The following EYS variants were observed in gnomAD, a reference collection of about 807,000 sequenced individuals.
EYS encodes the protein EGF-like photoreceptor maintenance factor.
A neutral mutation model predicts 282.1 loss-of-function variants in EYS; 250 were observed. That is an observed-to-expected ratio of 0.89 (90% CI 0.80 to 0.98). EYS has a LOEUF of 0.98. Ranked by LOEUF, EYS falls within the 50% of genes least tolerant of loss-of-function variation. EYS has a pLI of 0.00. For missense variants in EYS, 4,016 were observed against 3,709.0 expected, an observed-to-expected ratio of 1.08 and a Z score of -2.15; for synonymous variants, 1,355 against 1,282.9, an observed-to-expected ratio of 1.06 and a Z score of -1.20.
chr6:65,096,541 A>G (rs766513524), intron 12 of EYS, among the ~76,000 whole-genome samples: 3 of 150,970 alleles, frequency 2.0e-5, no homozygotes, highest in East Asian at 1.9e-4. Context: ...AGATGAAACA[A>G]TGTTGAAAAA....
chr6:65,168,258 G>C (rs77878255), intron 12 of EYS, among the ~76,000 whole-genome samples: 14 of 151,236 alleles, frequency 9.3e-5, no homozygotes, highest in Non-Finnish European at 5.9e-5. Flanking sequence ...TTCAGTAGCA[G>C]TCCAGTACCA....
chr6:65,686,906 A>G (rs986870206), intron 1 of EYS, among the ~76,000 whole-genome samples: 3 of 152,080 alleles, frequency 2.0e-5, no homozygotes, highest in Non-Finnish European at 4.4e-5. Flanking sequence ...ACAACATGAA[A>G]AATTGAAAGG....
chr6:65,103,889 T>A (rs894394485), intron 12 of EYS, among the ~76,000 whole-genome samples: 1 of 151,460 alleles, frequency 6.6e-6, no homozygotes, highest in Non-Finnish European at 1.5e-5. Context: ...AACATAGAAA[T>A]GCAGTCAGGT....
chr6:64,332,040 G>A (rs1248038345), intron 29 of EYS, among the ~76,000 whole-genome samples: 4 of 152,150 alleles, frequency 2.6e-5, no homozygotes, highest in East Asian at 3.9e-4. Flanking sequence ...AACAGCTAAC[G>A]CAGATGTTAA....
chr6:65,160,814 C>T (rs1366855720), intron 12 of EYS, among the ~76,000 whole-genome samples: 1 of 150,718 alleles, frequency 6.6e-6, no homozygotes, highest in Admixed American at 6.6e-5. Context: ...ACGAGAAATT[C>T]AAACCAAATG....
At chr6:64,133,312 T>C (rs937282519) in intron 31 of EYS, among the ~76,000 whole-genome samples, 8 of 152,048 alleles carry the variant, frequency 5.3e-5, no homozygotes, top group Non-Finnish European at 7.4e-5. Context: ...TGAAGAAAGG[T>C]AGACGTTCCC....
At chr6:65,127,079 C>T (rs1414238727) in intron 12 of EYS, among the ~76,000 whole-genome samples, 1 of 152,064 alleles carries the variant, frequency 6.6e-6, no homozygotes, top group Non-Finnish European at 1.5e-5. Flanking sequence ...TTTCAAAATT[C>T]TTCTTTATAT....
intron 41 of EYS, among the ~76,000 whole-genome samples, chr6:63,746,136 G>A (rs528256913): frequency 1.3e-5 from 2 of 152,304 alleles, no homozygotes; most frequent in Admixed American, 1.3e-4. Context: ...TAGCATGAAG[G>A]AGTGTTGAAT....
At chr6:65,184,284 C>A (rs1765463424) in intron 12 of EYS, among the ~76,000 whole-genome samples, 1 of 151,828 alleles carries the variant, frequency 6.6e-6, no homozygotes, top group South Asian at 2.1e-4. Flanking sequence ...AGCCTTCTTG[C>A]TATGCCATAA....
chr6:64,810,173 C>T (rs540278365), intron 22 of EYS, among the ~76,000 whole-genome samples: 6 of 151,868 alleles, frequency 4.0e-5, no homozygotes, highest in South Asian at 2.1e-4. Context: ...ATAACAGAAA[C>T]GTATGACACC....
chr6:64,654,528 C>T (rs998307105), intron 22 of EYS, among the ~76,000 whole-genome samples: 46 of 152,076 alleles, frequency 3.0e-4, no homozygotes, highest in African/African-American at 9.9e-4. Context: ...TGAAGTTTTC[C>T]GATTTGGCAG....
intron 14 of EYS, among the ~76,000 whole-genome samples, chr6:64,987,404 C>A (rs1323572589): frequency 6.6e-6 from 1 of 151,580 alleles, no homozygotes; most frequent in South Asian, 2.1e-4. Flanking sequence ...CTCAACCTCA[C>A]CTTCTATTCA....
intron 26 of EYS, among the ~76,000 whole-genome samples, chr6:64,507,107 A>C (rs539748549): frequency 1.3e-5 from 2 of 152,014 alleles, no homozygotes; most frequent in South Asian, 4.1e-4. Flanking sequence ...CATGGTACTG[A>C]CAACCATCAT....
intron 19 of EYS, among the ~76,000 whole-genome samples, chr6:64,880,113 G>A (rs1766868445): frequency 6.6e-6 from 1 of 151,920 alleles, no homozygotes; most frequent in Admixed American, 6.6e-5. Flanking sequence ...GTTAAGCATA[G>A]TCATTGCTAA....
rs182990585 is a variant in EYS at position 64,587,420 on chromosome 6, T to C, written c.5644+2803A>G. Among the ~76,000 whole-genome samples, 33 of 152,210 alleles carry C rather than the reference T, an allele frequency of 2.2e-4. No homozygotes were observed. In the East Asian group the frequency reaches 4.5e-3, roughly 21 times the overall value. On this transcript the variant is annotated intron_variant, in intron 26 of 42. Transcript: ENST00000503581. ...CCATTATGTGTAAGAAACAGGTATATATAATGGTTCAATCTTTCAAGATTT... is the reference window on the plus strand; with the variant it reads ...CCATTATGTGTAAGAAACAGGTATACATAATGGTTCAATCTTTCAAGATTT...
In EYS at chr6:64,390,537, A is replaced by G. The variant is rs1244124861; in HGVS notation, c.5928-1697T>C. 2.6e-5 allele frequency among the ~76,000 whole-genome samples: 4 copies of G among 151,104 alleles called. No individual in the cohort carries two copies. The East Asian group carries it at 5.9e-4, about 22-fold the overall frequency. ...ACACTGACACCTCACAGGGCAGGGT[A>G]TTCCAACAGACCTGCAGCTGAGGGT... On this transcript the variant is annotated intron_variant, in intron 28 of 42. Coordinates refer to ENST00000503581, the MANE Select transcript of EYS (RefSeq NM_001142800.2).
intron 1 of EYS, among the ~76,000 whole-genome samples, chr6:65,670,468 CTG>C (rs1341832912): frequency 6.6e-6 from 1 of 152,030 alleles, no homozygotes; most frequent in African/African-American, 2.4e-5. Context: ...ATATTAAACT[CTG>C]TGTGTGCTAC....
In EYS at chr6:65,353,484, T is replaced by C; in HGVS notation, c.1433A>G (p.Glu478Gly). The change falls in exon 9 of 43, where the codon GAA becomes GGA. Residue 478 changes from glutamate to glycine, a missense_variant. Physicochemically the swap from Glu to Gly is moderately conservative, Grantham distance 98. Coordinates refer to ENST00000503581, the MANE Select transcript of EYS (RefSeq NM_001142800.2). ...ICQDKGPAQF[E>G]YVWQLGFAGS... ...TGCAAATCCCAATTGCCACACATAT[T>C]CAAATTGAGCAGGACCTTTATCTTG... 6.2e-7 allele frequency: 1 copy of C among 1,613,208 alleles called. No homozygotes were observed. Among genetic ancestry groups the C allele is most frequent in the Non-Finnish European group, 8.5e-7 (1 of 1,179,492 alleles).
chr6:63,795,580 T>C (rs573114171), intron 37 of EYS, among the ~76,000 whole-genome samples: 2 of 152,312 alleles, frequency 1.3e-5, no homozygotes, highest in South Asian at 2.1e-4. Context: ...AAGCCTATAA[T>C]TATAGTTAAG....
Sources: gnomAD v4.1 joint callset for allele counts (sites outside exome capture counted in the v4.1 genomes callset) on GRCh38, gnomAD v4.1.1 for gene constraint, MANE v1.5 for transcripts, NCBI Gene and HGNC (gene_info 2026-07-23, HGNC 2026-07-21) for gene names.